The following MEOX2 variants were observed in gnomAD, a reference collection of about 807,000 sequenced individuals.
MEOX2 encodes homeobox protein MOX-2.
A neutral mutation model predicts 27.0 loss-of-function variants in MEOX2; 11 were observed. That is an observed-to-expected ratio of 0.41 (90% confidence interval 0.26 to 0.68). The LOEUF is 0.68. Among genes scored for constraint, MEOX2 ranks in the 30% least tolerant of loss-of-function variants. The probability of loss-of-function intolerance (pLI) is 0.33; values close to 1 mark genes in which losing one functional copy is unlikely to be tolerated. For synonymous variants in MEOX2, 189 were observed against 155.4 expected (o/e 1.22, Z -1.61); for missense variants, 436 against 385.4 (o/e 1.13, Z -1.10).
chr7:15,665,170 G>C (rs1781981142), intron 1 of MEOX2, among the ~76,000 whole-genome samples: 1 of 151,822 alleles, frequency 6.6e-6, no homozygotes, highest in Non-Finnish European at 1.5e-5. Flanking sequence ...TGGCAAACCA[G>C]AGCCATGTGA....
At chr7:15,652,637 G>A (rs1781750359) in intron 1 of MEOX2, among the ~76,000 whole-genome samples, 2 of 151,992 alleles carry the variant, frequency 1.3e-5, no homozygotes, top group South Asian at 4.1e-4. Flanking sequence ...TGAGATAGTT[G>A]TTGATTCACA....
At chr7:15,674,648 T>C (rs1782163618) in intron 1 of MEOX2, among the ~76,000 whole-genome samples, 2 of 152,108 alleles carry the variant, frequency 1.3e-5, no homozygotes, top group South Asian at 4.1e-4. Context: ...TAATTAACTG[T>C]ATTTTTGATA....
At chr7:15,638,983 C>G (rs1409925395) in intron 1 of MEOX2, among the ~76,000 whole-genome samples, 1 of 152,006 alleles carries the variant, frequency 6.6e-6, no homozygotes, top group Non-Finnish European at 1.5e-5. Context: ...ATTCCTTTCC[C>G]TTTGGGTAGA....
intron 2 of MEOX2, among the ~76,000 whole-genome samples, chr7:15,621,294 T>C (rs1251398566): frequency 6.6e-6 from 1 of 152,248 alleles, no homozygotes; most frequent in African/African-American, 2.4e-5. Flanking sequence ...ATAATTAAAA[T>C]ATTTGAAGCT....
chr7:15,686,185 TG>T lies in MEOX2; in HGVS notation c.217del (p.His73ThrfsTer143). On this transcript the variant is annotated frameshift_variant, in exon 1 of 3. Coordinates refer to ENST00000262041, the MANE Select transcript of MEOX2 (RefSeq NM_005924.5). LOFTEE classifies it high-confidence loss of function. Reference sequence around the variant, plus strand: ...CTGATGGTGGTGATGGTGGTGGTGGTGGTGGTGGTGGTGGTGCCCCCTGTGA... The same window carrying T: ...CTGATGGTGGTGATGGTGGTGGTGGTGTGGTGGTGGTGGTGCCCCCTGTGA... ...QHHRGHHHHH[H>X]HHHHHHHQQQ... The T allele has an allele frequency of 1.3e-6, 2 of 1,594,090 alleles. No homozygotes were observed. Among genetic ancestry groups the T allele is most frequent in the Non-Finnish European group, 8.6e-7 (1 of 1,169,210 alleles).
intron 1 of MEOX2, chr7:15,677,676 G>T (rs778727110): frequency 1.3e-5 from 2 of 152,168 alleles, no homozygotes; most frequent in Non-Finnish European, 2.9e-5. Context: ...TACCCTCTCA[G>T]GTTAGGGGTG....
At chr7:15,659,228 T>C (rs1781870323) in intron 1 of MEOX2, among the ~76,000 whole-genome samples, 1 of 152,198 alleles carries the variant, frequency 6.6e-6, no homozygotes, top group Non-Finnish European at 1.5e-5. Context: ...TACTTTAATA[T>C]ATAACTTATT....
intron 2 of MEOX2, among the ~76,000 whole-genome samples, chr7:15,616,593 CTTTTAG>C (rs1301617604): frequency 6.6e-6 from 1 of 151,638 alleles, no homozygotes; most frequent in African/African-American, 2.4e-5. Flanking sequence ...ATGAAAAAAA[CTTTTAG>C]TTTTTGTTTT....
At position 15,674,554 on chromosome 7, in the gene MEOX2, TTCTGTGTGTG is replaced by T. The variant is rs1274093982; in HGVS notation, c.517+11322_517+11331del. On this transcript the variant is annotated intron_variant, in intron 1 of 2. Transcript: ENST00000262041. The stretch of plus-strand genomic sequence containing the variant: ...AAATTAAAATTAATTAGATAAAAGA[TTCTGTGTGTG>T]TGTGTGTGTGTGTGTGTGTGCATGT... Among the ~76,000 whole-genome samples, 9 of 149,694 alleles carry T rather than the reference TTCTGTGTGTG, an allele frequency of 6.0e-5. No individual in the cohort carries two copies. The East Asian group carries it at 7.9e-4, about 13-fold the overall frequency.
chr7:15,645,138 T>A (rs1414106551), intron 1 of MEOX2, among the ~76,000 whole-genome samples: 1 of 152,196 alleles, frequency 6.6e-6, no homozygotes, highest in Non-Finnish European at 1.5e-5. Context: ...AAAGTGATAT[T>A]CTAAAAGCTC....
chr7:15,634,996 T>C (rs1203708115), intron 1 of MEOX2, among the ~76,000 whole-genome samples: 1 of 152,042 alleles, frequency 6.6e-6, no homozygotes, highest in East Asian at 1.9e-4. Context: ...GTTTCTACAA[T>C]GCATCAAAGC....
At chr7:15,624,815 C>A (rs1422840957) in intron 2 of MEOX2, among the ~76,000 whole-genome samples, 2 of 152,120 alleles carry the variant, frequency 1.3e-5, no homozygotes, top group African/African-American at 4.8e-5. Flanking sequence ...GGGTAACTAA[C>A]ACAAAATGTT....
At chr7:15,685,162 A>G (rs1782357290) in intron 1 of MEOX2, among the ~76,000 whole-genome samples, 1 of 152,230 alleles carries the variant, frequency 6.6e-6, no homozygotes, top group Admixed American at 6.5e-5. Flanking sequence ...TAGGTTCTGT[A>G]ATTAGCTTAC....
At chr7:15,685,426 A>G (rs180844757) in intron 1 of MEOX2, among the ~76,000 whole-genome samples, 1 of 152,324 alleles carries the variant, frequency 6.6e-6, no homozygotes, top group Admixed American at 6.5e-5. Context: ...AACATTGTGC[A>G]ATAATTTGGA....
chr7:15,669,275 T>G (rs1158017354), intron 1 of MEOX2, among the ~76,000 whole-genome samples: 5 of 152,254 alleles, frequency 3.3e-5, no homozygotes, highest in Admixed American at 2.6e-4. Flanking sequence ...CCAAAACCCC[T>G]TGTGAATAAT....
chr7:15,656,296 T>C (rs1781819430), intron 1 of MEOX2, among the ~76,000 whole-genome samples: 1 of 151,886 alleles, frequency 6.6e-6, no homozygotes, highest in Non-Finnish European at 1.5e-5. Context: ...ATGAAGTTTT[T>C]TAAACCACTC....
chr7:15,615,613 A>G (rs1781111188), intron 2 of MEOX2, among the ~76,000 whole-genome samples: 1 of 152,034 alleles, frequency 6.6e-6, no homozygotes, highest in Non-Finnish European at 1.5e-5. Flanking sequence ...CATTAGATCT[A>G]TTCCACATGA....
chr7:15,614,202 G>GATAAAATAAAATAAAATAAA (rs60984021), intron 2 of MEOX2, among the ~76,000 whole-genome samples: 4 of 142,176 alleles, frequency 2.8e-5, no homozygotes, highest in Admixed American at 1.4e-4. Flanking sequence ...CAAATAAATA[G>GATAAAATAAAATAAAATAAA]ATAAAATAAA....
chr7:15,631,172 A>G (rs1424656544), intron 1 of MEOX2, among the ~76,000 whole-genome samples: 1 of 151,814 alleles, frequency 6.6e-6, no homozygotes, highest in East Asian at 1.9e-4. Context: ...AATTTTACAT[A>G]CCAAAAAAGG....
Sources: allele counts gnomAD v4.1 joint callset (sites outside exome capture counted in the v4.1 genomes callset), GRCh38; gene constraint gnomAD v4.1.1; transcripts MANE v1.5; gene names NCBI Gene and HGNC (gene_info 2026-07-23, HGNC 2026-07-21).